Variants in NTNG1 observed in about 807,000 individuals in gnomAD.
The protein encoded by NTNG1 is netrin-G1.
A neutral mutation model predicts 54.0 loss-of-function variants in NTNG1; 16 were observed. That is an observed-to-expected ratio of 0.30 (90% CI 0.20 to 0.45). The LOEUF is 0.45. Among genes scored for constraint, NTNG1 ranks in the 20% least tolerant of loss-of-function variants. NTNG1 has a pLI of 1.00. For synonymous variants in NTNG1, 255 were observed against 263.1 expected, an observed-to-expected ratio of 0.97 and a Z score of 0.30; for missense variants, 530 against 678.7, an observed-to-expected ratio of 0.78 and a Z score of 2.43.
At chr1:107,189,026 G>A (rs912000959) in intron 2 of NTNG1, among the ~76,000 whole-genome samples, 3 of 152,020 alleles carry the variant, frequency 2.0e-5, no homozygotes, top group African/African-American at 7.2e-5. Context: ...AGGTGTTGGT[G>A]TACAGTCAAA....
chr1:107,398,377 A>G (rs771406937), intron 4 of NTNG1, among the ~76,000 whole-genome samples: 6 of 152,166 alleles, frequency 3.9e-5, no homozygotes, highest in Non-Finnish European at 7.4e-5. Flanking sequence ...GGGAATGACA[A>G]TATTCTTCCC....
In NTNG1 at chr1:107,423,320, G is replaced by A. The variant is rs1451715408; in HGVS notation, c.1088-7430G>A. On this transcript the variant is annotated intron_variant, in intron 5 of 7. Transcript: ENST00000370068. ...TTTGGCAATGTCTGGAGAAATTTTT[G>A]TTTGTCACAGTTTGGGGGTTGCTAC... Among the ~76,000 whole-genome samples the A allele has an allele frequency of 2.6e-5, 4 of 151,962 alleles. 1 individual carries two copies. The highest frequency in any genetic ancestry group is 5.9e-5 in the Non-Finnish European group (4 of 67,986).
At chr1:107,233,857 C>T (rs758119780) in intron 2 of NTNG1, among the ~76,000 whole-genome samples, 18 of 152,238 alleles carry the variant, frequency 1.2e-4, no homozygotes, top group Non-Finnish European at 1.9e-4. Flanking sequence ...ATTAGAACCA[C>T]CTTTCCTATC....
intron 3 of NTNG1, among the ~76,000 whole-genome samples, chr1:107,327,247 CTGG>C (rs1668012928): frequency 4.6e-5 from 7 of 152,090 alleles, no homozygotes; most frequent in African/African-American, 1.7e-4. Flanking sequence ...CACCAGATGG[CTGG>C]AGTATTTTTA....
intron 2 of NTNG1, among the ~76,000 whole-genome samples, chr1:107,239,775 G>A (rs1261420925): frequency 6.6e-6 from 1 of 152,028 alleles, no homozygotes; most frequent in Non-Finnish European, 1.5e-5. Context: ...ACAATAGCTT[G>A]GGACAGGTGG....
At chr1:107,407,797 T>G in intron 5 of NTNG1, 89 bp downstream of exon 5, 2 of 1,119,352 alleles carry the variant, frequency 1.8e-6, no homozygotes, top group East Asian at 2.4e-5. Context: ...ATTTTCCCAG[T>G]GTCCATTTCT....
intron 6 of NTNG1, among the ~76,000 whole-genome samples, chr1:107,434,612 C>A (rs61799254): frequency 6.6e-6 from 1 of 152,294 alleles, no homozygotes; most frequent in East Asian, 1.9e-4. Flanking sequence ...TTTAATTCCC[C>A]TTTGAAACCC....
At chr1:107,185,464 C>T (rs576704817) in intron 2 of NTNG1, among the ~76,000 whole-genome samples, 7 of 152,114 alleles carry the variant, frequency 4.6e-5, no homozygotes, top group African/African-American at 1.7e-4. Context: ...TGTCTGTGTG[C>T]CCTTTCTTCT....
At chr1:107,362,287 A>C (rs1670348115) in intron 3 of NTNG1, among the ~76,000 whole-genome samples, 1 of 152,226 alleles carries the variant, frequency 6.6e-6, no homozygotes, top group Non-Finnish European at 1.5e-5. Context: ...AATGGTGGAA[A>C]TTCTGGATGC....
chr1:107,207,922 T>G (rs1170134117), intron 2 of NTNG1, among the ~76,000 whole-genome samples: 1 of 152,124 alleles, frequency 6.6e-6, no homozygotes, highest in Non-Finnish European at 1.5e-5. Flanking sequence ...GCAGCTGAAC[T>G]TTCTTCTCCT....
At chr1:107,442,457 C>G (rs369431956) in intron 7 of NTNG1, among the ~76,000 whole-genome samples, 2 of 152,092 alleles carry the variant, frequency 1.3e-5, no homozygotes, top group Non-Finnish European at 2.9e-5. Context: ...GACTATCAAA[C>G]GCTCTTTCTT....
chr1:107,384,377 A>T (rs566262875), intron 3 of NTNG1, among the ~76,000 whole-genome samples: 1 of 152,304 alleles, frequency 6.6e-6, no homozygotes, highest in East Asian at 1.9e-4. Flanking sequence ...TTTATTGCCT[A>T]AATGTACAAG....
intron 2 of NTNG1, among the ~76,000 whole-genome samples, chr1:107,316,142 G>A (rs1288254792): frequency 6.6e-6 from 1 of 152,158 alleles, no homozygotes; most frequent in Non-Finnish European, 1.5e-5. Flanking sequence ...AGCCTAGGAA[G>A]TAACATTGCC....
chr1:107,322,658 C>A lies in NTNG1; in HGVS notation c.247-1624C>A, dbSNP rs535356255. 2.6e-3 allele frequency among the ~76,000 whole-genome samples: 396 copies of A among 152,056 alleles called. 2 individuals are homozygous for A. The highest frequency in any genetic ancestry group is 9.0e-3 in the African/African-American group (374 of 41,500). ...TTCCACCTGGAACAGAAACTTATTT[C>A]CCCCCTCCCCTGGCTCATTTTGAAG... On this transcript the variant is annotated intron_variant, in intron 2 of 7. Transcript: ENST00000370068.
At chr1:107,478,512 T>C (rs1244930402) in intron 7 of NTNG1, among the ~76,000 whole-genome samples, 1 of 152,184 alleles carries the variant, frequency 6.6e-6, no homozygotes, top group Non-Finnish European at 1.5e-5. Context: ...TGATTTATAT[T>C]CACATCCAAG....
intron 2 of NTNG1, among the ~76,000 whole-genome samples, chr1:107,270,363 G>T (rs1664061114): frequency 6.6e-6 from 1 of 152,122 alleles, no homozygotes; most frequent in Non-Finnish European, 1.5e-5. Flanking sequence ...CAAAGTTCAG[G>T]CTTTGGAATC....
At chr1:107,304,645 G>T (rs1666555890) in intron 2 of NTNG1, among the ~76,000 whole-genome samples, 1 of 151,902 alleles carries the variant, frequency 6.6e-6, no homozygotes, top group African/African-American at 2.4e-5. Context: ...TAATTTTCAT[G>T]TAATTTATGA....
At chr1:107,239,714 A>G (rs1661690957) in intron 2 of NTNG1, among the ~76,000 whole-genome samples, 1 of 152,168 alleles carries the variant, frequency 6.6e-6, no homozygotes, top group Admixed American at 6.5e-5. Context: ...GCCATCACTG[A>G]CTTCTGGTCA....
At chr1:107,369,121 G>A (rs1670767866) in intron 3 of NTNG1, among the ~76,000 whole-genome samples, 1 of 151,960 alleles carries the variant, frequency 6.6e-6, no homozygotes, top group Non-Finnish European at 1.5e-5. Context: ...CTTTATTGAT[G>A]TGTATTATTC....
Sources: gnomAD v4.1 joint callset for allele counts (sites outside exome capture counted in the v4.1 genomes callset) on GRCh38, gnomAD v4.1.1 for gene constraint, MANE v1.5 for transcripts, NCBI Gene and HGNC (gene_info 2026-07-23, HGNC 2026-07-21) for gene names.